Variants in MINAR1 observed in about 807,000 individuals in gnomAD.
MINAR1 encodes the protein major intrinsically disordered Notch2-binding receptor 1.
A neutral mutation model predicts 65.1 loss-of-function variants in MINAR1; 40 were observed. That is an observed-to-expected ratio of 0.61 (90% CI 0.48 to 0.80). MINAR1 has a LOEUF of 0.80. Among genes scored for constraint, MINAR1 ranks in the 30% least tolerant of loss-of-function variants. MINAR1 has a pLI of 0.00. For synonymous variants in MINAR1, 482 were observed against 449.1 expected (o/e 1.07, Z -0.93); for missense variants, 1,128 against 1,148.0 (o/e 0.98, Z 0.25).
At chr15:79,429,475 A>G (rs1894390543), upstream of MINAR1, among the ~76,000 whole-genome samples, 1 of 152,210 alleles carries the variant, frequency 6.6e-6, no homozygotes, top group African/African-American at 2.4e-5. Context: ...ACCATTGCCA[A>G]TGATATTATG....
rs750164858 is a variant in MINAR1, at chr15:79,458,360, A to G, written c.2213A>G (p.Tyr738Cys). 3 of 1,614,114 alleles carry G rather than the reference A, an allele frequency of 1.9e-6. No individual in the cohort carries two copies. Among genetic ancestry groups the G allele is most frequent in the Non-Finnish European group, 1.7e-6 (2 of 1,180,050 alleles). The change falls in exon 2 of 4, where the codon TAT becomes TGT. Residue 738 changes from tyrosine to cysteine, a missense_variant. Physicochemically the swap from Tyr to Cys is radical, Grantham distance 194. Transcript: ENST00000305428. ...CCCAGAGACTGGCGCACCATCACTT[A>G]TACCAACCGTGTGGGCCTCAATGAG... ...NSPRDWRTITYTNRVGLNEEE... is the reference protein window; with the variant it reads ...NSPRDWRTITCTNRVGLNEEE...
chr15:79,444,316 A>T (rs182568112), intron 1 of MINAR1, among the ~76,000 whole-genome samples: 20 of 152,272 alleles, frequency 1.3e-4, no homozygotes, highest in Admixed American at 2.6e-4. Flanking sequence ...TCCATTATTT[A>T]TTCATGTCTC....
rs980174180 is a variant in MINAR1 at position 79,457,957 on chromosome 15, G to A, written c.1810G>A (p.Gly604Ser). The A allele has an allele frequency of 1.2e-6, 2 of 1,614,104 alleles. No individual in the cohort carries two copies. Among genetic ancestry groups the A allele is most frequent in the South Asian group, 1.1e-5 (1 of 91,062 alleles). ...TGTGTGCAAACTGGTGCTCAGGATT[G>A]GCGAAATTGAACGGAAGCTGGAATC... ...TSVCKLVLRI[G>S]EIERKLESLS... is the part of the protein sequence containing the mutation. Residue 604 changes from glycine (G) to serine (S), a missense_variant, in exon 2 of 4, where the codon GGC (glycine) becomes AGC (serine). By Grantham distance (56) the Gly-to-Ser change is moderately conservative. Coordinates refer to ENST00000305428, the MANE Select transcript of MINAR1 (RefSeq NM_015206.3).
At chr15:79,453,306 C>G (rs773476067) in intron 1 of MINAR1, among the ~76,000 whole-genome samples, 1 of 152,194 alleles carries the variant, frequency 6.6e-6, no homozygotes, top group South Asian at 2.1e-4. Flanking sequence ...GAGCCTAGTG[C>G]CCCTTCAACA....
chr15:79,446,765 TTTATCATC>T (rs1305859105), intron 1 of MINAR1, among the ~76,000 whole-genome samples: 1 of 152,236 alleles, frequency 6.6e-6, no homozygotes, highest in African/African-American at 2.4e-5. Flanking sequence ...TATTATCACT[TTTATCATC>T]TTTCTGCCAT....
intron 1 of MINAR1, among the ~76,000 whole-genome samples, chr15:79,445,916 G>A (rs1424247638): frequency 1.3e-5 from 2 of 152,096 alleles, no homozygotes; most frequent in Non-Finnish European, 2.9e-5. Flanking sequence ...TTAAAAATCC[G>A]GCTTGAGAGT....
At chr15:79,453,518 T>G (rs1363351603) in intron 1 of MINAR1, among the ~76,000 whole-genome samples, 2 of 152,224 alleles carry the variant, frequency 1.3e-5, no homozygotes, top group African/African-American at 2.4e-5. Context: ...GGCTTCATGC[T>G]GGAGGCTGGA....
chr15:79,461,463 C>T (rs1190926894), intron 2 of MINAR1, among the ~76,000 whole-genome samples: 1 of 152,248 alleles, frequency 6.6e-6, no homozygotes, highest in African/African-American at 2.4e-5. Context: ...TCTCCCCTTC[C>T]TCCCAGCTTG....
intron 3 of MINAR1, among the ~76,000 whole-genome samples, chr15:79,464,334 G>T (rs1008787190): frequency 8.5e-5 from 13 of 152,336 alleles, no homozygotes; most frequent in African/African-American, 3.1e-4. Flanking sequence ...GAAAAAGAAG[G>T]CCCTTGGGGG....
intron 2 of MINAR1, 78 bp downstream of exon 2, chr15:79,458,523 C>A: frequency 6.6e-7 from 1 of 1,509,884 alleles, no homozygotes; most frequent in Non-Finnish European, 8.9e-7. Flanking sequence ...TTGAACATGG[C>A]GTTAAACAGG....
chr15:79,449,141 G>A (rs575675692), intron 1 of MINAR1, among the ~76,000 whole-genome samples: 1 of 152,284 alleles, frequency 6.6e-6, no homozygotes, highest in Admixed American at 6.5e-5. Context: ...GGAATTAGAG[G>A]AGCCTGGAGT....
At chr15:79,425,636 C>G in the MINAR1 span, 1 of 152,148 alleles carries the variant, frequency 6.6e-6, no homozygotes, top group African/African-American at 2.4e-5. Context: ...GGGGACTCTT[C>G]CCCAGACATC....
the MINAR1 span, chr15:79,425,959 G>C: frequency 6.6e-6 from 1 of 152,280 alleles, no homozygotes; most frequent in African/African-American, 2.4e-5. Flanking sequence ...CAACGCAGCT[G>C]TCCTGTCTGG....
At chr15:79,427,265 G>T in the MINAR1 span, 3 of 152,214 alleles carry the variant, frequency 2.0e-5, no homozygotes, top group Non-Finnish European at 2.9e-5. Flanking sequence ...GGGGCCTACT[G>T]GAGGGTGGAG....
At position 79,463,210 on chromosome 15, in the gene MINAR1, C is replaced by A; in HGVS notation, c.2442C>A (p.Asp814Glu). ...AHMKSNPLYTDMRLTELAEVK... is the reference protein window; with the variant it reads ...AHMKSNPLYTEMRLTELAEVK... ...TGAAGAGCAACCCCCTGTACACAGA[C>A]ATGCGGCTGACCGAGTTGGCCGAGG... Residue 814 changes from aspartate to glutamate, a missense_variant, in exon 3 of 4, where the codon GAC becomes GAA. Asp to Glu is a conservative substitution (Grantham distance 45). Coordinates refer to ENST00000305428, the MANE Select transcript of MINAR1 (RefSeq NM_015206.3). 6.2e-7 allele frequency: 1 copy of A among 1,614,264 alleles called. No individual in the cohort carries two copies. The highest frequency in any genetic ancestry group is 8.5e-7 in the Non-Finnish European group (1 of 1,180,050).
chr15:79,420,734 C>T, the MINAR1 span: 1 of 152,232 alleles, frequency 6.6e-6, no homozygotes, highest in Non-Finnish European at 1.5e-5. Context: ...TGCCCCAGTT[C>T]ATCACCTCTT....
rs759948705 is a variant in MINAR1 at position 79,457,996 on chromosome 15, C to T, written c.1849C>T (p.Arg617Cys). ...GAAGCTGGAATCCCTGTCGGGTGTC[C>T]GTGATGAAATCTCCCAGGTCTTGGG... The part of the protein sequence containing the change: ...ERKLESLSGV[R>C]DEISQVLGKL... Residue 617 changes from arginine (R) to cysteine (C), a missense_variant, in exon 2 of 4, where the codon CGT becomes TGT. Arg to Cys is a radical substitution (Grantham distance 180). Transcript: ENST00000305428. 18 of 1,613,960 alleles carry T rather than the reference C, an allele frequency of 1.1e-5. No individual in the cohort carries two copies. Among genetic ancestry groups the T allele is most frequent in the African/African-American group, 2.7e-5 (2 of 74,896 alleles).
At chr15:79,466,517 AT>A (rs1480902792) in intron 3 of MINAR1, among the ~76,000 whole-genome samples, 60 of 152,250 alleles carry the variant, frequency 3.9e-4, no homozygotes, top group African/African-American at 1.4e-3. Context: ...GTCATAAAAT[AT>A]TCTTTTGATT....
chr15:79,429,040 AT>A (rs909203242), upstream of MINAR1, among the ~76,000 whole-genome samples: 1 of 152,164 alleles, frequency 6.6e-6, no homozygotes, highest in African/African-American at 2.4e-5. Flanking sequence ...TTTAGAGAGA[AT>A]TTGGGGGGCA....
Sources: allele counts gnomAD v4.1 joint callset (sites outside exome capture counted in the v4.1 genomes callset), GRCh38; gene constraint gnomAD v4.1.1; transcripts MANE v1.5; gene names NCBI Gene and HGNC (gene_info 2026-07-23, HGNC 2026-07-21).